Variants in METTL22 observed in about 807,000 individuals in gnomAD.
METTL22 encodes the protein methyltransferase-like protein 22.
A neutral mutation model predicts 48.4 loss-of-function variants in METTL22; 51 were observed. The observed-to-expected ratio is 1.05, with a 90% CI of 0.84 to 1.33. The LOEUF is 1.33. Among genes scored for constraint, METTL22 ranks in the 40% most tolerant of loss-of-function variants. The pLI, the probability that METTL22 is intolerant of heterozygous loss-of-function variation, is 0.00. For synonymous variants in METTL22, 255 were observed against 214.1 expected (o/e 1.19, Z -1.67); for missense variants, 678 against 526.9 (o/e 1.29, Z -2.81).
At chr16:8,658,546 A>C in the METTL22 span, among the ~76,000 whole-genome samples, 3 of 152,226 alleles carry the variant, frequency 2.0e-5, no homozygotes, top group Admixed American at 6.5e-5. Flanking sequence ...CCTCGGCTCC[A>C]GAAGAGCTAG....
At chr16:8,626,911 C>A (rs934628385) in intron 2 of METTL22, among the ~76,000 whole-genome samples, 2 of 151,940 alleles carry the variant, frequency 1.3e-5, no homozygotes, top group Admixed American at 1.3e-4. Flanking sequence ...GGACTACAGG[C>A]ACCCGCCACC....
chr16:8,650,840 C>T (rs2056883623), downstream of METTL22, among the ~76,000 whole-genome samples: 1 of 151,938 alleles, frequency 6.6e-6, no homozygotes, highest in Non-Finnish European at 1.5e-5. Flanking sequence ...GTCTGGCCAA[C>T]ATGACAAAAC....
At chr16:8,650,819 G>A (rs903873238), downstream of METTL22, among the ~76,000 whole-genome samples, 1 of 152,038 alleles carries the variant, frequency 6.6e-6, no homozygotes. Context: ...GAGGTCAGGA[G>A]TTCAAGACCA....
the METTL22 span, among the ~76,000 whole-genome samples, chr16:8,659,767 A>C: frequency 2.6e-5 from 4 of 151,802 alleles, no homozygotes; most frequent in South Asian, 2.1e-4. Flanking sequence ...CTTGTTACCC[A>C]GGCTGGAGTG....
downstream of METTL22, among the ~76,000 whole-genome samples, chr16:8,653,690 A>G (rs1180377194): frequency 6.6e-6 from 1 of 152,192 alleles, no homozygotes; most frequent in South Asian, 2.1e-4. Context: ...CTGAGTGGTA[A>G]TGATTAAAAT....
chr16:8,638,677 C>G (rs2141768319), intron 5 of METTL22, among the ~76,000 whole-genome samples: 1 of 152,278 alleles, frequency 6.6e-6, no homozygotes, highest in Non-Finnish European at 1.5e-5. Flanking sequence ...TTAGAAAAAC[C>G]TGGATCAAAT....
chr16:8,641,729 C>T (rs1333015840), intron 7 of METTL22: 8 of 391,218 alleles, frequency 2.0e-5, no homozygotes, highest in Admixed American at 1.5e-4. Context: ...GCACCGTAGG[C>T]CCTTCGGCCC....
chr16:8,644,880 A>C, intron 10 of METTL22, 155 bp downstream of exon 10: 1 of 760,966 alleles, frequency 1.3e-6, no homozygotes, highest in East Asian at 3.1e-5. Context: ...CTGTAGTGGA[A>C]CCTGTTGGGG....
rs1172441058 is a variant in METTL22, at chr16:8,629,004, A to G, written c.408A>G (p.Pro136=). Residue 136 remains proline (P), a synonymous_variant, in exon 3 of 11, where the codon CCA becomes CCG. Coordinates refer to ENST00000381920, the MANE Select transcript of METTL22 (RefSeq NM_024109.4). ...RRPRAASDSN[P]AGPLRDKVHP... The stretch of plus-strand genomic sequence containing the variant: ...CACGAGCCGCCTCTGATTCCAACCC[A>G]GCAGGGCCTCTGAGAGACAAGGTAC... The G allele has an allele frequency of 4.3e-6, 7 of 1,614,046 alleles. No individual in the cohort carries two copies. In the African/African-American group the frequency reaches 8.0e-5, roughly 18 times the overall value.
chr16:8,646,108 G>A lies in METTL22; in HGVS notation c.1180G>A (p.Glu394Lys). Residue 394 changes from glutamate (E) to lysine (K), a missense_variant and splice_region_variant, in exon 11 of 11, where the codon GAG becomes AAG. By Grantham distance (56) the Glu-to-Lys change is moderately conservative (BLOSUM62 1). Transcript: ENST00000381920. ...CTGTTCTTTTCTCTGTTTGCTGCAGGAGCTCTGGAAGATCATCGCAGAACC... is the reference window on the plus strand; with the variant it reads ...CTGTTCTTTTCTCTGTTTGCTGCAGAAGCTCTGGAAGATCATCGCAGAACC... ...LLVYERLQQL[E>K]LWKIIAEPVT The A allele has an allele frequency of 6.2e-7, 1 of 1,613,456 alleles. No homozygotes were observed. The highest frequency in any genetic ancestry group is 1.1e-5 in the South Asian group (1 of 91,040).
chr16:8,650,581 C>G (rs73495715), downstream of METTL22, among the ~76,000 whole-genome samples: 5,783 of 152,256 alleles, frequency 0.038, 370 homozygotes, highest in African/African-American at 0.13. Flanking sequence ...TTCAAAGTTG[C>G]TAGAAGAGAG....
At chr16:8,635,145 G>A (rs373709644) in intron 4 of METTL22, 23 bp from the exon 5 acceptor site, 29 of 1,613,568 alleles carry the variant, frequency 1.8e-5, no homozygotes, top group South Asian at 2.2e-5. Flanking sequence ...GCTGCTTGTC[G>A]CTCCTTGTCC....
chr16:8,654,276 A>T (rs1025146721), downstream of METTL22, among the ~76,000 whole-genome samples: 3 of 152,176 alleles, frequency 2.0e-5, no homozygotes, highest in African/African-American at 7.2e-5. Flanking sequence ...TAGTCTAAGA[A>T]TTTATCCCCC....
the METTL22 span, chr16:8,666,812 G>A: frequency 2.9e-5 from 4 of 139,404 alleles, no homozygotes; most frequent in African/African-American, 1.1e-4. Context: ...TTGAGATGGA[G>A]TTTTGTTCTT....
chr16:8,629,798 A>C (rs1347303074), intron 3 of METTL22, among the ~76,000 whole-genome samples: 1 of 151,990 alleles, frequency 6.6e-6, no homozygotes, highest in African/African-American at 2.4e-5. Flanking sequence ...CTCTAGAAAC[A>C]CCGGGAGCAG....
At chr16:8,641,313 C>T in intron 7 of METTL22, 129 bp downstream of exon 7, 2 of 880,348 alleles carry the variant, frequency 2.3e-6, no homozygotes, top group East Asian at 2.6e-5. Flanking sequence ...CGGCGCATGG[C>T]AGCTTCTCTC....
Position 8,645,960 on chromosome 16 carries a change from G to T in METTL22, c.1180-148G>T, listed in dbSNP as rs1279855668. ...CCCAGAGCAACAAAGAAAGGAGGAAGCCGCCCGTCCGCTCCTGCCCCAGCT... is the reference window on the plus strand; with the variant it reads ...CCCAGAGCAACAAAGAAAGGAGGAATCCGCCCGTCCGCTCCTGCCCCAGCT... On this transcript the variant is annotated intron_variant, in intron 10 of 10. Coordinates refer to ENST00000381920, the MANE Select transcript of METTL22 (RefSeq NM_024109.4). 6 of 1,264,894 alleles carry T rather than the reference G, an allele frequency of 4.7e-6. No individual in the cohort carries two copies. The East Asian group carries it at 1.5e-4, about 32-fold the overall frequency. 78.4% of individuals were successfully genotyped at this position (1,264,894 alleles called of 1,614,324 possible). A position where few individuals can be genotyped will look rare whatever the true frequency, so the allele number is the denominator to read the frequency against.
chr16:8,645,992 C>T (rs1451915490), intron 10 of METTL22, 116 bp from the exon 11 acceptor site: 3 of 1,517,630 alleles, frequency 2.0e-6, no homozygotes, highest in East Asian at 2.4e-5. Context: ...AGCTCGCCTG[C>T]TCCGTGGCTG....
At chr16:8,623,161 A>G (rs2055913567) in intron 1 of METTL22, among the ~76,000 whole-genome samples, 6 of 152,036 alleles carry the variant, frequency 3.9e-5, no homozygotes, top group Admixed American at 6.5e-5. Flanking sequence ...TAAAAATACA[A>G]AAATTAGGTG....
Sources: gnomAD v4.1 joint callset for allele counts (sites outside exome capture counted in the v4.1 genomes callset) on GRCh38, gnomAD v4.1.1 for gene constraint, MANE v1.5 for transcripts, NCBI Gene and HGNC (gene_info 2026-07-23, HGNC 2026-07-21) for gene names.